Variants in RNF216 observed in about 807,000 individuals in gnomAD.
RNF216 encodes the protein E3 ubiquitin-protein ligase RNF216.
RNF216 carries 72 observed loss-of-function variants against 110.8 expected under a neutral mutation model. That is an observed-to-expected ratio of 0.65 (90% CI 0.54 to 0.79). The LOEUF (loss-of-function observed/expected upper bound fraction) is 0.79. Among genes scored for constraint, RNF216 ranks in the 30% least tolerant of loss-of-function variants. RNF216 has a pLI of 0.00. For synonymous variants in RNF216, 495 were observed against 407.5 expected, an observed-to-expected ratio of 1.21 and a Z score of -2.59; for missense variants, 1,342 against 1,141.2, an observed-to-expected ratio of 1.18 and a Z score of -2.54.
chr7:5,710,114 C>T (rs1792572672), intron 13 of RNF216, among the ~76,000 whole-genome samples: 1 of 152,326 alleles, frequency 6.6e-6, no homozygotes. Flanking sequence ...AATACCAGCA[C>T]TTTGGAAGGC....
intron 10 of RNF216, among the ~76,000 whole-genome samples, chr7:5,715,614 G>A (rs1228333276): frequency 6.6e-6 from 1 of 151,838 alleles, no homozygotes; most frequent in Non-Finnish European, 1.5e-5. Context: ...TGGGTCTATC[G>A]AGGTCTGCGC....
At chr7:5,768,346 TACAC>T (rs71004702) in intron 1 of RNF216, among the ~76,000 whole-genome samples, 779 of 71,916 alleles carry the variant, frequency 0.011, 10 homozygotes, top group African/African-American at 0.021. Flanking sequence ...GGCAGGCAAA[TACAC>T]ACACACACAC....
At chr7:5,695,148 T>C (rs1584465487) in intron 13 of RNF216, among the ~76,000 whole-genome samples, 2 of 152,204 alleles carry the variant, frequency 1.3e-5, no homozygotes, top group African/African-American at 2.4e-5. Flanking sequence ...ACTTAACCTA[T>C]CCACGGTTCT....
chr7:5,700,786 C>A (rs1003622792), intron 13 of RNF216, among the ~76,000 whole-genome samples: 47 of 152,314 alleles, frequency 3.1e-4, no homozygotes, highest in African/African-American at 1.1e-3. Flanking sequence ...CCAAGGTGAG[C>A]AGCCCTGGCA....
At chr7:5,623,989 G>A (rs975202067) in intron 16 of RNF216, 67 bp downstream of exon 16, 7 of 1,386,944 alleles carry the variant, frequency 5.0e-6, no homozygotes, top group Non-Finnish European at 6.1e-6. Context: ...GACACTCAGG[G>A]AGGCCAGCAG....
chr7:5,757,412 TTG>T (rs35309611), intron 2 of RNF216, among the ~76,000 whole-genome samples: 1 of 151,386 alleles, frequency 6.6e-6, no homozygotes, highest in Admixed American at 6.6e-5. Context: ...TCAGCTCTTT[TTG>T]TGTGTGTGTG....
chr7:5,652,694 G>T (rs1309205815), intron 13 of RNF216, among the ~76,000 whole-genome samples, 184 bp from the exon 14 acceptor site: 9 of 152,172 alleles, frequency 5.9e-5, no homozygotes, highest in Non-Finnish European at 1.2e-4. Context: ...AGGTGGTAGG[G>T]CTAGGTGGCT....
intron 13 of RNF216, among the ~76,000 whole-genome samples, chr7:5,685,467 C>G (rs754453229): frequency 6.6e-6 from 1 of 152,212 alleles, no homozygotes; most frequent in Non-Finnish European, 1.5e-5. Flanking sequence ...TGTTCTGTTA[C>G]TTTCCAAGAC....
rs1403651695 is a variant in RNF216, at chr7:5,622,098, C to T, written c.*762G>A. On this transcript the variant is annotated 3_prime_UTR_variant, in exon 17 of 17. Transcript: ENST00000389902. ...GCTGCCCAGCAGGGCCACCAGGCCT[C>T]TGTCCCAGCTGCCTTAAGAGGCTCT... 6.6e-6 allele frequency: 1 copy of T among 152,362 alleles called. No individual in the cohort carries two copies. The highest frequency in any genetic ancestry group is 1.5e-5 in the Non-Finnish European group (1 of 68,150). 9.4% of individuals were successfully genotyped at this position (152,362 alleles called of 1,614,324 possible).
In RNF216 at chr7:5,754,049, G is replaced by A. The variant is rs1008592471; in HGVS notation, c.68-1070C>T. Reference sequence around the variant, plus strand: ...TAAAAGAAGAGAAGAAGAAAGAAACGAAATGACGCACCTCATCACTGCAAT... The same window carrying A: ...TAAAAGAAGAGAAGAAGAAAGAAACAAAATGACGCACCTCATCACTGCAAT... On this transcript the variant is annotated intron_variant, in intron 2 of 16. Coordinates refer to ENST00000389902, the MANE Select transcript of RNF216 (RefSeq NM_207111.4). Among the ~76,000 whole-genome samples, 7 of 151,026 alleles carry A rather than the reference G, an allele frequency of 4.6e-5. No homozygotes were observed. In the South Asian group the frequency reaches 6.2e-4, roughly 13 times the overall value.
chr7:5,646,182 G>C (rs907025283), intron 14 of RNF216, among the ~76,000 whole-genome samples: 4 of 152,146 alleles, frequency 2.6e-5, no homozygotes, highest in African/African-American at 9.7e-5. Context: ...TGTATGGTTT[G>C]AGATTGTTTA....
chr7:5,758,169 T>A (rs1291732357), intron 2 of RNF216, among the ~76,000 whole-genome samples: 2 of 152,132 alleles, frequency 1.3e-5, no homozygotes, highest in Non-Finnish European at 2.9e-5. Context: ...ATATTTAAGA[T>A]CCAATTAAAA....
rs1178363930 is a variant in RNF216 at position 5,731,809 on chromosome 7, A to T, written c.1122-992T>A. On this transcript the variant is annotated intron_variant, in intron 5 of 16. Transcript: ENST00000389902. ...CCAGATGTCAATAGTAAGGCCTGTA[A>T]TAGTAGAACAGGAGGTCTGGCAGAA... Among the ~76,000 whole-genome samples the T allele has an allele frequency of 2.0e-5, 3 of 151,428 alleles. 1 individual carries two copies. Among genetic ancestry groups the T allele is most frequent in the African/African-American group, 7.4e-5 (3 of 40,702 alleles).
chr7:5,731,266 T>G (rs1197822508), intron 5 of RNF216, among the ~76,000 whole-genome samples: 1 of 152,230 alleles, frequency 6.6e-6, no homozygotes, highest in Non-Finnish European at 1.5e-5. Context: ...ATAAAAGACC[T>G]TCTGTTAATT....
rs1196701379 is a variant in RNF216, at chr7:5,769,625, G to A, written c.-69-8487C>T. On this transcript the variant is annotated intron_variant, in intron 1 of 16. Transcript: ENST00000389902. ...TGTGGTACCAGCTACATGGGAGGCC[G>A]GGGAGGGAGGACTGCTTGAGCCTAA... is the stretch of plus-strand genomic sequence containing the variant. Among the ~76,000 whole-genome samples the A allele has an allele frequency of 8.5e-5, 13 of 152,156 alleles. 1 individual carries two copies. In the South Asian group the frequency reaches 1.9e-3, roughly 22 times the overall value.
chr7:5,726,343 G>A (rs989184244), intron 7 of RNF216, among the ~76,000 whole-genome samples: 3 of 152,162 alleles, frequency 2.0e-5, no homozygotes, highest in African/African-American at 7.2e-5. Context: ...ATGGGCTGGT[G>A]AGTCCCATTC....
intron 12 of RNF216, 155 bp from the exon 13 acceptor site, chr7:5,711,994 CTCT>C: frequency 1.6e-6 from 1 of 634,130 alleles, no homozygotes; most frequent in Non-Finnish European, 2.8e-6. Context: ...CAGATTGAAC[CTCT>C]TCTTTGTGCT....
At chr7:5,766,942 AAAAG>A (rs1365835624) in intron 1 of RNF216, 5 of 152,240 alleles carry the variant, frequency 3.3e-5, no homozygotes, top group African/African-American at 7.2e-5. Context: ...TCCAGAGGCT[AAAAG>A]AGAGAATAAA....
intron 1 of RNF216, among the ~76,000 whole-genome samples, chr7:5,767,704 T>C (rs1001041069): frequency 3.3e-5 from 5 of 151,978 alleles, no homozygotes; most frequent in East Asian, 1.9e-4. Context: ...GTTCAAGCCA[T>C]TTTCCTGCCT....
Sources: gnomAD v4.1 joint callset for allele counts (sites outside exome capture counted in the v4.1 genomes callset) on GRCh38, gnomAD v4.1.1 for gene constraint, MANE v1.5 for transcripts, NCBI Gene and HGNC (gene_info 2026-07-23, HGNC 2026-07-21) for gene names.